The following TBC1D22A variants were observed in gnomAD, a reference collection of about 807,000 sequenced individuals.
The protein encoded by TBC1D22A is TBC1 domain family member 22A.
Under a neutral mutation model 60.2 loss-of-function variants are expected in TBC1D22A, and 38 were observed. The ratio of observed to expected loss-of-function variants is 0.63; its 90% CI spans 0.49 to 0.83. The LOEUF is 0.83. Ranked by LOEUF, TBC1D22A falls within the 40% of genes least tolerant of loss-of-function variation. TBC1D22A has a pLI of 0.00. For synonymous variants in TBC1D22A, 302 were observed against 281.7 expected (o/e 1.07, Z -0.72); for missense variants, 628 against 701.0 (o/e 0.90, Z 1.18).
chr22:47,159,539 C>T (rs955436444), intron 12 of TBC1D22A, among the ~76,000 whole-genome samples: 5 of 151,536 alleles, frequency 3.3e-5, no homozygotes, highest in South Asian at 2.1e-4. Context: ...AGCACACACA[C>T]GATGTATACT....
At chr22:47,041,870 G>A (rs907072446) in intron 11 of TBC1D22A, among the ~76,000 whole-genome samples, 1 of 152,236 alleles carries the variant, frequency 6.6e-6, no homozygotes, top group Non-Finnish European at 1.5e-5. Context: ...AGCGGGCGTG[G>A]CCGTGTCCCT....
intron 8 of TBC1D22A, among the ~76,000 whole-genome samples, chr22:46,924,068 G>A (rs1184582273): frequency 1.3e-5 from 2 of 152,188 alleles, no homozygotes; most frequent in Non-Finnish European, 2.9e-5. Flanking sequence ...GAATTCCACA[G>A]TTTAAGCAGA....
intron 4 of TBC1D22A, among the ~76,000 whole-genome samples, chr22:46,840,943 T>C (rs56265531): frequency 0.16 from 24,222 of 151,986 alleles, 2,305 homozygotes; most frequent in African/African-American, 0.26. Flanking sequence ...CAGTGCCTCG[T>C]AGAGGATATT....
chr22:47,173,718 T>C lies in TBC1D22A; in HGVS notation c.*92T>C. ...AGGCCCCTGTGAGCTGGTCCCGGGC[T>C]GCTAAAAGGCCTTGTGAGGTGGCCC... On this transcript the variant is annotated 3_prime_UTR_variant, in exon 13 of 13. Coordinates refer to ENST00000337137, the MANE Select transcript of TBC1D22A (RefSeq NM_014346.5). 6.3e-7 allele frequency: 1 copy of C among 1,579,336 alleles called. No individual in the cohort carries two copies.
At chr22:46,773,182 G>A (rs1023034004) in intron 1 of TBC1D22A, among the ~76,000 whole-genome samples, 1 of 152,138 alleles carries the variant, frequency 6.6e-6, no homozygotes, top group African/African-American at 2.4e-5. Flanking sequence ...AACACAGGCC[G>A]TGGAGATCTG....
intron 4 of TBC1D22A, among the ~76,000 whole-genome samples, chr22:46,858,797 A>T (rs1246694766): frequency 1.3e-5 from 2 of 152,228 alleles, no homozygotes; most frequent in Non-Finnish European, 2.9e-5. Flanking sequence ...TTTTCCTAAG[A>T]GGATTTGTTT....
intron 4 of TBC1D22A, among the ~76,000 whole-genome samples, chr22:46,838,167 T>G (rs2086600610): frequency 6.6e-6 from 1 of 152,028 alleles, no homozygotes; most frequent in Non-Finnish European, 1.5e-5. Flanking sequence ...ACAGTAAAGA[T>G]TAGAACAAGT....
chr22:46,848,557 T>C (rs2087125631), intron 4 of TBC1D22A, among the ~76,000 whole-genome samples: 1 of 152,220 alleles, frequency 6.6e-6, no homozygotes, highest in South Asian at 2.1e-4. Context: ...TTGCAGCCCC[T>C]CTGTCAGTGC....
At chr22:46,909,354 T>C (rs1182091717) in intron 7 of TBC1D22A, among the ~76,000 whole-genome samples, 1 of 152,136 alleles carries the variant, frequency 6.6e-6, no homozygotes, top group Non-Finnish European at 1.5e-5. Context: ...GCAGTGCGAC[T>C]GCCCCCTGCT....
chr22:46,864,163 TAGA>T (rs1186892342), intron 4 of TBC1D22A, among the ~76,000 whole-genome samples: 5 of 152,172 alleles, frequency 3.3e-5, no homozygotes, highest in Admixed American at 1.3e-4. Context: ...AACTTTCAAA[TAGA>T]AGAAGAAGTT....
At chr22:46,889,548 G>A (rs928321091) in intron 5 of TBC1D22A, among the ~76,000 whole-genome samples, 9 of 152,154 alleles carry the variant, frequency 5.9e-5, no homozygotes, top group African/African-American at 1.2e-4. Context: ...GTATGCCCAC[G>A]AAAATCCTGT....
At chr22:46,861,722 C>G (rs1357767328) in intron 4 of TBC1D22A, among the ~76,000 whole-genome samples, 8 of 152,368 alleles carry the variant, frequency 5.3e-5, no homozygotes. Context: ...TGGGCAAACT[C>G]AGAATTGTGT....
intron 5 of TBC1D22A, among the ~76,000 whole-genome samples, chr22:46,885,684 G>GC (rs760216077): frequency 7.8e-4 from 119 of 152,140 alleles, no homozygotes; most frequent in African/African-American, 1.7e-3. Context: ...GGCTGTCACT[G>GC]CCCCCCCTTG....
chr22:46,972,309 T>TGTGCCTG (rs1191411050), intron 8 of TBC1D22A, among the ~76,000 whole-genome samples: 4 of 152,222 alleles, frequency 2.6e-5, no homozygotes, highest in Non-Finnish European at 4.4e-5. Context: ...CACTCATGTC[T>TGTGCCTG]GTGCCTGGTG....
At chr22:46,992,581 G>A (rs916103298) in intron 9 of TBC1D22A, among the ~76,000 whole-genome samples, 2 of 152,248 alleles carry the variant, frequency 1.3e-5, no homozygotes, top group Non-Finnish European at 2.9e-5. Flanking sequence ...AGCATTCCCA[G>A]GCCTGCGTGT....
intron 10 of TBC1D22A, among the ~76,000 whole-genome samples, chr22:47,016,341 A>G (rs2148321552): frequency 6.6e-6 from 1 of 152,028 alleles, no homozygotes; most frequent in African/African-American, 2.4e-5. Flanking sequence ...CTTGGTCTTC[A>G]TCCCCCACCT....
chr22:46,820,739 C>T (rs746516085), intron 4 of TBC1D22A, among the ~76,000 whole-genome samples: 26 of 152,270 alleles, frequency 1.7e-4, no homozygotes, highest in Non-Finnish European at 3.2e-4. Context: ...TAGACATCTA[C>T]GAGGTCCACT....
At chr22:46,897,615 G>GTT in intron 7 of TBC1D22A, among the ~76,000 whole-genome samples, 1 of 123,598 alleles carries the variant, frequency 8.1e-6, no homozygotes, top group Admixed American at 7.8e-5. Context: ...ATGGAAAGTT[G>GTT]TTTTTTTTTG....
At chr22:46,822,893 G>A (rs183579434) in intron 4 of TBC1D22A, among the ~76,000 whole-genome samples, 1 of 152,228 alleles carries the variant, frequency 6.6e-6, no homozygotes, top group East Asian at 1.9e-4. Flanking sequence ...CTAAGATCTA[G>A]GTGAGCTCCA....
Sources: allele counts gnomAD v4.1 joint callset (sites outside exome capture counted in the v4.1 genomes callset), GRCh38; gene constraint gnomAD v4.1.1; transcripts MANE v1.5; gene names NCBI Gene and HGNC (gene_info 2026-07-23, HGNC 2026-07-21).